Variants in PPA2 observed in about 807,000 individuals in gnomAD.
PPA2 encodes inorganic pyrophosphatase 2, mitochondrial.
In PPA2, 48 loss-of-function variants were observed where a neutral mutation model predicts 49.5. The ratio of observed to expected loss-of-function variants is 0.97; its 90% CI spans 0.77 to 1.23. The LOEUF (loss-of-function observed/expected upper bound fraction) is 1.23, where lower values mean the gene tolerates loss of function less well. Among genes scored for constraint, PPA2 ranks in the 50% most tolerant of loss-of-function variants. PPA2 has a pLI of 0.00. For synonymous variants in PPA2, 131 were observed against 139.9 expected (o/e 0.94, Z 0.45); for missense variants, 429 against 410.1 (o/e 1.05, Z -0.40).
Position 105,369,212 on chromosome 4 carries a change from T to A in PPA2, c.*513A>T, listed in dbSNP as rs1732921259. 1 of 150,860 alleles carries A rather than the reference T, an allele frequency of 6.6e-6. No homozygotes were observed. The highest frequency in any genetic ancestry group is 2.1e-4 in the South Asian group (1 of 4,792). 9.3% of individuals were successfully genotyped at this position (150,860 alleles called of 1,614,324 possible). ...ACTCAATGCCTCTAAATTTGTGCTA[T>A]GAAATGAAACAAAATCTTTTTTTTT... On this transcript the variant is annotated 3_prime_UTR_variant, in exon 12 of 12. Transcript: ENST00000341695.
chr4:105,439,408 C>T (rs1578862711), intron 5 of PPA2, among the ~76,000 whole-genome samples: 2 of 152,178 alleles, frequency 1.3e-5, no homozygotes, highest in South Asian at 4.1e-4. Context: ...CCTTCTCTTA[C>T]TCTGAGCAAT....
chr4:105,436,788 A>G (rs934822820), intron 6 of PPA2, among the ~76,000 whole-genome samples: 4 of 152,108 alleles, frequency 2.6e-5, no homozygotes, highest in Non-Finnish European at 4.4e-5. Context: ...ATGAAACTGG[A>G]CCCCTATCTC....
chr4:105,454,215 C>T (rs1330649893), intron 2 of PPA2, among the ~76,000 whole-genome samples: 1 of 152,170 alleles, frequency 6.6e-6, no homozygotes, highest in Non-Finnish European at 1.5e-5. Flanking sequence ...CGTTTATACA[C>T]CAAAATGACT....
chr4:105,466,147 G>T (rs1458040711), intron 1 of PPA2, among the ~76,000 whole-genome samples: 2 of 151,926 alleles, frequency 1.3e-5, no homozygotes, highest in African/African-American at 4.8e-5. Flanking sequence ...AAGAGGTCTT[G>T]GTCTTGATTG....
chr4:105,412,339 G>A (rs1268602496), intron 7 of PPA2, among the ~76,000 whole-genome samples: 1 of 152,134 alleles, frequency 6.6e-6, no homozygotes, highest in Non-Finnish European at 1.5e-5. Flanking sequence ...ACAAGCAATG[G>A]GGAAAGGATC....
chr4:105,467,524 TG>T lies in PPA2; in HGVS notation c.157+6369del, dbSNP rs199867931. ...TTTTTTGAGTGAAATGGAAAGCCAC[TG>T]GCATTTTCAGCAGAGCTTGTACATT... On this transcript the variant is annotated intron_variant, in intron 1 of 11. Coordinates refer to ENST00000341695, the MANE Select transcript of PPA2 (RefSeq NM_176869.3). 4.7e-3 allele frequency among the ~76,000 whole-genome samples: 718 copies of T among 152,342 alleles called. 6 individuals carry two copies. The highest frequency in any genetic ancestry group is 0.015 in the African/African-American group (626 of 41,594).
rs370069965 is a variant in PPA2 at position 105,474,037 on chromosome 4, A to G, written c.14T>C (p.Leu5Pro). 2.1e-5 allele frequency: 34 copies of G among 1,591,838 alleles called. No homozygotes were observed. Among genetic ancestry groups the G allele is most frequent in the Non-Finnish European group, 2.9e-5 (34 of 1,168,928 alleles). The change falls in exon 1 of 12, where the codon CTG (leucine) becomes CCG (proline). Residue 5 changes from leucine (L) to proline (P), a missense_variant. Leu to Pro is a moderately conservative substitution (Grantham distance 98). Coordinates refer to ENST00000341695, the MANE Select transcript of PPA2 (RefSeq NM_176869.3). MSAL[L>P]RLLRTGAPAA... ...TGGGGCACCCGTGCGCAGCAGCCGCAGCAGCGCGCTCATGGCGTCAATGAC... is the reference window on the plus strand; with the variant it reads ...TGGGGCACCCGTGCGCAGCAGCCGCGGCAGCGCGCTCATGGCGTCAATGAC...
At chr4:105,473,772 A>C in intron 1 of PPA2, 122 bp downstream of exon 1, 2 of 1,404,408 alleles carry the variant, frequency 1.4e-6, no homozygotes, top group South Asian at 1.2e-5. Flanking sequence ...CCGCGCGGCT[A>C]CCGCTGAGGG....
chr4:105,460,221 C>G (rs533766438), intron 1 of PPA2, among the ~76,000 whole-genome samples: 1 of 152,032 alleles, frequency 6.6e-6, no homozygotes, highest in African/African-American at 2.4e-5. Flanking sequence ...TAAAACAATA[C>G]AGTATAACAA....
chr4:105,466,985 C>T (rs1723331644), intron 1 of PPA2, among the ~76,000 whole-genome samples: 1 of 152,204 alleles, frequency 6.6e-6, no homozygotes, highest in South Asian at 2.1e-4. Flanking sequence ...TTCCTGAGAT[C>T]TCATGGGAAG....
At chr4:105,438,083 T>C (rs760083632) in intron 5 of PPA2, 47 bp from the exon 6 acceptor site, 5 of 1,234,316 alleles carry the variant, frequency 4.1e-6, no homozygotes, top group Non-Finnish European at 4.6e-6. Flanking sequence ...GTTAATACTA[T>C]AATGTACTTT....
intron 9 of PPA2, among the ~76,000 whole-genome samples, chr4:105,390,865 A>G (rs1733886584): frequency 1.3e-5 from 2 of 152,198 alleles, no homozygotes; most frequent in Admixed American, 1.3e-4. Context: ...AAATCATTCT[A>G]CTATTAAGAC....
chr4:105,369,810 G>A lies in PPA2; in HGVS notation c.977-57C>T, dbSNP rs573045816. 2.3e-5 allele frequency: 33 copies of A among 1,454,564 alleles called. No individual in the cohort carries two copies. In the East Asian group the frequency reaches 7.3e-4, roughly 32 times the overall value. 90.1% of individuals were successfully genotyped at this position (1,454,564 alleles called of 1,614,324 possible). A position where few individuals can be genotyped will look rare whatever the true frequency, so the allele number is the denominator to read the frequency against. ...GGAAGGGATAAGAGGAGGGAGAAGGGAGTGATTAATCAAATTTAATTTCGA... is the reference window on the plus strand; with the variant it reads ...GGAAGGGATAAGAGGAGGGAGAAGGAAGTGATTAATCAAATTTAATTTCGA... On this transcript the variant is annotated intron_variant, in intron 11 of 11. Transcript: ENST00000341695.
At chr4:105,402,484 G>C (rs780719192) in intron 7 of PPA2, among the ~76,000 whole-genome samples, 6 of 152,174 alleles carry the variant, frequency 3.9e-5, no homozygotes, top group Non-Finnish European at 8.8e-5. Flanking sequence ...CTGGGAGGAA[G>C]ACAGTAAATG....
chr4:105,451,910 T>A (rs1460823248), intron 3 of PPA2, among the ~76,000 whole-genome samples: 5 of 152,204 alleles, frequency 3.3e-5, no homozygotes, highest in African/African-American at 9.7e-5. Context: ...CTGGTTTTCC[T>A]AAGATTAATG....
In PPA2 at chr4:105,369,474, C is replaced by T. The variant is rs539872679; in HGVS notation, c.*251G>A. 6.0e-4 allele frequency: 255 copies of T among 428,460 alleles called. 1 individual carries two copies. Among genetic ancestry groups the T allele is most frequent in the Non-Finnish European group, 1.0e-3 (241 of 236,974 alleles). The allele number at this position is 428,460 out of a possible 1,614,324, so 26.5% of individuals were successfully genotyped here. ...TCCTGACCTTGTGATCTGCCCACCT[C>T]GGCCTCCCAAAGTGCTGAAATTACA... On this transcript the variant is annotated 3_prime_UTR_variant, in exon 12 of 12. Coordinates refer to ENST00000341695, the MANE Select transcript of PPA2 (RefSeq NM_176869.3).
At chr4:105,392,645 C>G (rs1733971801) in intron 9 of PPA2, among the ~76,000 whole-genome samples, 1 of 151,370 alleles carries the variant, frequency 6.6e-6, no homozygotes. Context: ...TGCACTCCAG[C>G]CTGGGTGACA....
At chr4:105,429,387 T>C (rs1723689473) in intron 6 of PPA2, among the ~76,000 whole-genome samples, 1 of 146,614 alleles carries the variant, frequency 6.8e-6, no homozygotes, top group South Asian at 2.1e-4. Context: ...AGTCTGAGAT[T>C]TTCAGCACGA....
intron 7 of PPA2, among the ~76,000 whole-genome samples, chr4:105,421,049 C>G (rs545919767): frequency 6.6e-6 from 1 of 152,118 alleles, no homozygotes; most frequent in South Asian, 2.1e-4. Flanking sequence ...TTGTAAGGGA[C>G]AGAAAAGGAT....
Sources: allele counts gnomAD v4.1 joint callset (sites outside exome capture counted in the v4.1 genomes callset), GRCh38; gene constraint gnomAD v4.1.1; transcripts MANE v1.5; gene names NCBI Gene and HGNC (gene_info 2026-07-23, HGNC 2026-07-21).